CCDC125: variants seen among roughly 807,000 people sequenced by gnomAD.
The protein encoded by CCDC125 is coiled-coil domain containing 125.
A neutral mutation model predicts 57.4 loss-of-function variants in CCDC125; 43 were observed. That is an observed-to-expected ratio of 0.75 (90% CI 0.59 to 0.97). The LOEUF is 0.97. CCDC125 is among the 50% of genes least tolerant of loss of function. CCDC125 has a pLI of 0.00. For synonymous variants in CCDC125, 187 were observed against 195.2 expected (o/e 0.96, Z 0.35); for missense variants, 563 against 595.7 (o/e 0.95, Z 0.57).
In CCDC125 at chr5:69,294,989, G is replaced by A. The variant is rs1380511738; in HGVS notation, c.817-89C>T. 5 of 1,021,576 alleles carry A rather than the reference G, an allele frequency of 4.9e-6. No homozygotes were observed. In the East Asian group the frequency reaches 1.3e-4, roughly 26 times the overall value. 63.3% of individuals were successfully genotyped at this position (1,021,576 alleles called of 1,614,324 possible). ...CAGGGGCATTTACACACATACCCAT[G>A]CACACTACTACTCAGGCATCTGATC... is the stretch of plus-strand genomic sequence containing the variant. On this transcript the variant is annotated intron_variant, in intron 8 of 11. Coordinates refer to ENST00000396496, the MANE Select transcript of CCDC125 (RefSeq NM_176816.5).
intron 8 of CCDC125, among the ~76,000 whole-genome samples, chr5:69,298,197 A>G (rs1464208009): frequency 4.0e-5 from 6 of 151,728 alleles, no homozygotes; most frequent in Non-Finnish European, 5.9e-5. Flanking sequence ...TGTACTTTTA[A>G]TAGAGACGGG....
chr5:69,286,243 T>A (rs1753422522), intron 10 of CCDC125, among the ~76,000 whole-genome samples: 1 of 132,948 alleles, frequency 7.5e-6, no homozygotes, highest in South Asian at 2.4e-4. Context: ...TAATTTTTTT[T>A]TTTTTTTAGA....
At chr5:69,304,898 C>T (rs908544501) in intron 6 of CCDC125, among the ~76,000 whole-genome samples, 7 of 152,004 alleles carry the variant, frequency 4.6e-5, no homozygotes, top group African/African-American at 7.3e-5. Flanking sequence ...CTATGGACTT[C>T]GGGTAATAAT....
At chr5:69,274,356 C>T in the CCDC125 span, among the ~76,000 whole-genome samples, 1 of 152,150 alleles carries the variant, frequency 6.6e-6, no homozygotes, top group South Asian at 2.1e-4. Flanking sequence ...CAGCTGTAGG[C>T]CGGTGCATCG....
chr5:69,319,124 TG>T (rs1759616233), intron 2 of CCDC125, among the ~76,000 whole-genome samples: 1 of 151,916 alleles, frequency 6.6e-6, no homozygotes, highest in South Asian at 2.1e-4. Context: ...GATGGGGTTT[TG>T]CCATGTTGGC....
chr5:69,301,412 T>C (rs528027599), intron 7 of CCDC125, among the ~76,000 whole-genome samples: 1 of 152,152 alleles, frequency 6.6e-6, no homozygotes, highest in African/African-American at 2.4e-5. Context: ...GGTGGGAGGA[T>C]TGCTTGAGCC....
Position 69,280,564 on chromosome 5 carries a change from A to G in CCDC125, c.*2165T>C, listed in dbSNP as rs1188468036. 6.6e-6 allele frequency: 1 copy of G among 152,196 alleles called. No homozygotes were observed. Among genetic ancestry groups the G allele is most frequent in the Non-Finnish European group, 1.5e-5 (1 of 68,022 alleles). The allele number at this position is 152,196 out of a possible 1,614,324, so 9.4% of individuals were successfully genotyped here. ...GCCCTGAATTCTCTCTCTCAGGTGT[A>G]CTGTCTGTTCTGCACCTAACTTTCA... On this transcript the variant is annotated 3_prime_UTR_variant, in exon 12 of 12. Transcript: ENST00000396496.
intron 1 of CCDC125, among the ~76,000 whole-genome samples, chr5:69,322,421 T>A (rs911238071): frequency 6.6e-6 from 1 of 152,096 alleles, no homozygotes; most frequent in Non-Finnish European, 1.5e-5. Context: ...CCTGTGTATT[T>A]CCTTGGATCC....
rs563621179 is a variant in CCDC125 at position 69,280,952 on chromosome 5, C to T, written c.*1777G>A. The T allele has an allele frequency of 4.3e-4, 66 of 152,480 alleles. No individual in the cohort carries two copies. Among genetic ancestry groups the T allele is most frequent in the Non-Finnish European group, 7.0e-4 (48 of 68,176 alleles). The allele number at this position is 152,480 out of a possible 1,614,324, so 9.4% of individuals were successfully genotyped here. A position where few individuals can be genotyped will look rare whatever the true frequency, so the allele number is the denominator to read the frequency against. ...AGTAGCTGGGACAACAGGTGCATGC[C>T]ACCATGCCTTGCCGAGTTTTTGTAT... On this transcript the variant is annotated 3_prime_UTR_variant, in exon 12 of 12. Transcript: ENST00000396496.
Position 69,282,968 on chromosome 5 carries a change from C to T in CCDC125, c.1297G>A (p.Glu433Lys). Residue 433 changes from glutamate (E) to lysine (K), a missense_variant, in exon 12 of 12, where the codon GAA (glutamate) becomes AAA (lysine). Physicochemically the swap from Glu to Lys is moderately conservative, Grantham distance 56 (BLOSUM62 1). Coordinates refer to ENST00000396496, the MANE Select transcript of CCDC125 (RefSeq NM_176816.5). ...KVSYMLARAL[E>K]DKDTASNENK... Reference sequence around the variant, plus strand: ...TCGTTTGAAGCAGTGTCTTTGTCTTCCAATGCCCGAGCAAGCATGTAGCTA... The same window carrying T: ...TCGTTTGAAGCAGTGTCTTTGTCTTTCAATGCCCGAGCAAGCATGTAGCTA... 6.2e-7 allele frequency: 1 copy of T among 1,613,090 alleles called. No homozygotes were observed.
At chr5:69,279,431 C>T (rs545281476), downstream of CCDC125, among the ~76,000 whole-genome samples, 18 of 152,172 alleles carry the variant, frequency 1.2e-4, no homozygotes, top group Admixed American at 7.2e-4. Flanking sequence ...CTCCTGACCT[C>T]GTGATCCGCC....
chr5:69,331,946 G>A (rs1453121911), intron 1 of CCDC125, among the ~76,000 whole-genome samples: 1 of 152,244 alleles, frequency 6.6e-6, no homozygotes, highest in Non-Finnish European at 1.5e-5. Context: ...CTTATGCAGA[G>A]ACTTTGTGTG....
At chr5:69,318,478 C>T (rs919768331) in intron 2 of CCDC125, among the ~76,000 whole-genome samples, 1 of 150,814 alleles carries the variant, frequency 6.6e-6, no homozygotes, top group African/African-American at 2.4e-5. Context: ...CACGGTGGCT[C>T]ATGCCTGTAA....
rs1229909373 is a variant in CCDC125, at chr5:69,281,005, C to T, written c.*1724G>A. 6.6e-6 allele frequency: 1 copy of T among 152,228 alleles called. No individual in the cohort carries two copies. Among genetic ancestry groups the T allele is most frequent in the African/African-American group, 2.4e-5 (1 of 41,444 alleles). 9.4% of individuals were successfully genotyped at this position (152,228 alleles called of 1,614,324 possible). A position where few individuals can be genotyped will look rare whatever the true frequency, so the allele number is the denominator to read the frequency against. On this transcript the variant is annotated 3_prime_UTR_variant, in exon 12 of 12. Coordinates refer to ENST00000396496, the MANE Select transcript of CCDC125 (RefSeq NM_176816.5). ...ATGGGGTTTCACCATGTTGCCCAGG[C>T]TGGTCTTGAACTCTGGACTGGTCTG...
At chr5:69,299,285 A>G (rs1222212395) in intron 8 of CCDC125, among the ~76,000 whole-genome samples, 1 of 151,336 alleles carries the variant, frequency 6.6e-6, no homozygotes, top group African/African-American at 2.4e-5. Flanking sequence ...AATTTTTTGT[A>G]TTTTTAGTAG....
downstream of CCDC125, among the ~76,000 whole-genome samples, chr5:69,279,147 T>C (rs1270309861): frequency 6.6e-6 from 1 of 151,490 alleles, no homozygotes; most frequent in Non-Finnish European, 1.5e-5. Flanking sequence ...GTCAAACTAG[T>C]TTTATTTGGA....
chr5:69,322,010 ATT>A (rs564085259), intron 1 of CCDC125, among the ~76,000 whole-genome samples: 4 of 146,830 alleles, frequency 2.7e-5, no homozygotes, highest in Non-Finnish European at 1.5e-5. Context: ...CTAATTTTCT[ATT>A]TTTTTTTTAG....
intron 8 of CCDC125, among the ~76,000 whole-genome samples, chr5:69,299,173 G>A (rs1194817039): frequency 9.3e-5 from 14 of 150,158 alleles, no homozygotes; most frequent in Non-Finnish European, 8.8e-5. Flanking sequence ...GCAGTGGCGC[G>A]ATCTCGGCTC....
the CCDC125 span, among the ~76,000 whole-genome samples, chr5:69,274,021 C>T: frequency 6.6e-6 from 1 of 152,060 alleles, no homozygotes; most frequent in Admixed American, 6.6e-5. Flanking sequence ...TCCATGTGTA[C>T]ACATACTCTT....
Sources: allele counts gnomAD v4.1 joint callset (sites outside exome capture counted in the v4.1 genomes callset), GRCh38; gene constraint gnomAD v4.1.1; transcripts MANE v1.5; gene names NCBI Gene and HGNC (gene_info 2026-07-23, HGNC 2026-07-21).